Variants in CERS6 observed in about 807,000 individuals in gnomAD.
The protein encoded by CERS6 is LAG1 homolog, ceramide synthase 6.
Under a neutral mutation model 56.8 loss-of-function variants are expected in CERS6, and 26 were observed. The observed-to-expected ratio is 0.46, with a 90% CI of 0.34 to 0.63. CERS6 has a LOEUF of 0.63. Among genes scored for constraint, CERS6 ranks in the 30% least tolerant of loss-of-function variants. The pLI is 0.01. For synonymous variants in CERS6, 164 were observed against 173.3 expected (o/e 0.95, Z 0.42); for missense variants, 415 against 467.5 (o/e 0.89, Z 1.04).
intron 4 of CERS6, among the ~76,000 whole-genome samples, chr2:168,663,908 T>A (rs1336163091): frequency 2.0e-5 from 3 of 152,202 alleles, no homozygotes. Flanking sequence ...TGGCTGCTCT[T>A]CACTGCTTTT....
At chr2:168,479,654 G>A (rs1694141064) in intron 1 of CERS6, among the ~76,000 whole-genome samples, 1 of 152,080 alleles carries the variant, frequency 6.6e-6, no homozygotes. Context: ...TGTTGCCCAG[G>A]CTGGAGTGCA....
intron 1 of CERS6, among the ~76,000 whole-genome samples, chr2:168,522,831 G>A (rs1695005786): frequency 6.6e-6 from 1 of 152,178 alleles, no homozygotes; most frequent in Non-Finnish European, 1.5e-5. Context: ...TTACAGGTGT[G>A]AACCACTGTG....
At chr2:168,527,097 TC>T (rs1255564508) in intron 1 of CERS6, among the ~76,000 whole-genome samples, 2 of 152,210 alleles carry the variant, frequency 1.3e-5, no homozygotes, top group African/African-American at 4.8e-5. Flanking sequence ...AACAGAAGGT[TC>T]TAGAGGGAGG....
In CERS6 at chr2:168,752,540, T is replaced by C. The variant is rs187482799; in HGVS notation, c.846-13052T>C. On this transcript the variant is annotated intron_variant, in intron 8 of 9. Transcript: ENST00000305747. ...CTACTGCCAGGTCACACCCAGCCAGTCCTTGTGTATTCATATTCCTGGTTG... is the reference window on the plus strand; with the variant it reads ...CTACTGCCAGGTCACACCCAGCCAGCCCTTGTGTATTCATATTCCTGGTTG... 6.5e-3 allele frequency among the ~76,000 whole-genome samples: 992 copies of C among 152,300 alleles called. 3 individuals carry two copies. The highest frequency in any genetic ancestry group is 0.017 in the Middle Eastern group (5 of 294).
At chr2:168,514,444 G>A (rs1407428511) in intron 1 of CERS6, among the ~76,000 whole-genome samples, 1 of 151,770 alleles carries the variant, frequency 6.6e-6, no homozygotes, top group African/African-American at 2.4e-5. Context: ...CAAGAAAAAG[G>A]CACAGGTGAG....
Position 168,771,163 on chromosome 2 carries a change from A to G in CERS6, c.*1501A>G, listed in dbSNP as rs546388458. The G allele has an allele frequency of 6.6e-6, 1 of 152,310 alleles. No individual in the cohort carries two copies. The highest frequency in any genetic ancestry group is 2.1e-4 in the South Asian group (1 of 4,832). The allele number at this position is 152,310 out of a possible 1,614,324, so 9.4% of individuals were successfully genotyped here. On this transcript the variant is annotated 3_prime_UTR_variant, in exon 10 of 10. Transcript: ENST00000305747. ...TGTGTGAATCAGGGCTGTGAAGACA[A>G]CAGCAGAAATGCTAACAAGCGTGCA...
intron 3 of CERS6, among the ~76,000 whole-genome samples, chr2:168,628,497 T>A (rs1394229873): frequency 6.6e-6 from 1 of 152,236 alleles, no homozygotes; most frequent in Non-Finnish European, 1.5e-5. Flanking sequence ...CAGAATGCAG[T>A]ACCTTCATAG....
rs540013542 is a variant in CERS6, at chr2:168,564,422, CAT to C, written c.407+3102_407+3103del. ...CCTTATTTTTTTTATCTTGCATACA[CAT>C]AGACATTTTGTTTGCTACCAAAAAT... On this transcript the variant is annotated intron_variant, in intron 3 of 9. Coordinates refer to ENST00000305747, the MANE Select transcript of CERS6 (RefSeq NM_203463.3). 5.3e-5 allele frequency among the ~76,000 whole-genome samples: 8 copies of C among 152,260 alleles called. No individual in the cohort carries two copies. In the South Asian group the frequency reaches 1.2e-3, roughly 24 times the overall value.
At chr2:168,547,573 T>G in intron 1 of CERS6, 23 bp from the exon 2 acceptor site, 2 of 1,501,228 alleles carry the variant, frequency 1.3e-6, no homozygotes, top group Non-Finnish European at 1.8e-6. Flanking sequence ...GACCTTCTAC[T>G]TTTTTCTTTT....
Position 168,456,445 on chromosome 2 carries a change from C to A in CERS6, c.-4C>A. ...TGCCGCAGGACAGGAGTGGACAAAG[C>A]AAGATGGCAGGGATCTTAGCCTGGT... On this transcript the variant is annotated 5_prime_UTR_variant, in exon 1 of 10. Coordinates refer to ENST00000305747, the MANE Select transcript of CERS6 (RefSeq NM_203463.3). This position sits in a 1 kb window ranked among gnomAD's most constrained non-coding sequence, Gnocchi z 4.1. 6.2e-7 allele frequency: 1 copy of A among 1,612,014 alleles called. No individual in the cohort carries two copies. The highest frequency in any genetic ancestry group is 8.5e-7 in the Non-Finnish European group (1 of 1,178,870).
At chr2:168,474,822 T>G (rs900327657) in intron 1 of CERS6, among the ~76,000 whole-genome samples, 2 of 152,228 alleles carry the variant, frequency 1.3e-5, no homozygotes, top group Non-Finnish European at 2.9e-5. Context: ...TTGTGTTATA[T>G]TCCTTTACAA....
chr2:168,462,834 A>G (rs1693802953), intron 1 of CERS6, among the ~76,000 whole-genome samples: 2 of 152,184 alleles, frequency 1.3e-5, no homozygotes, highest in Admixed American at 6.5e-5. Context: ...GCAGCTGGTC[A>G]GGGTGATTCT....
chr2:168,557,424 A>G (rs1225580833), intron 2 of CERS6, among the ~76,000 whole-genome samples: 4 of 152,204 alleles, frequency 2.6e-5, no homozygotes, highest in African/African-American at 7.2e-5. Context: ...TATTTTGAAA[A>G]TAGATAAGCT....
intron 8 of CERS6, among the ~76,000 whole-genome samples, chr2:168,722,577 C>T (rs1278458909): frequency 3.3e-5 from 5 of 152,186 alleles, no homozygotes; most frequent in Non-Finnish European, 7.3e-5. Context: ...GTAACTCTAA[C>T]GAAGCAAACT....
intron 1 of CERS6, among the ~76,000 whole-genome samples, chr2:168,498,799 G>C (rs1049497954): frequency 3.9e-5 from 6 of 152,138 alleles, no homozygotes; most frequent in Admixed American, 3.9e-4. Context: ...CAGGTGGTTG[G>C]TCCATATCAG....
chr2:168,662,357 G>T (rs993170504), intron 4 of CERS6, among the ~76,000 whole-genome samples: 11 of 152,096 alleles, frequency 7.2e-5, no homozygotes, highest in Admixed American at 5.9e-4. Context: ...AGAGAGGAGG[G>T]GTTGCTGTAA....
At chr2:168,759,404 C>T (rs927116725) in intron 8 of CERS6, among the ~76,000 whole-genome samples, 1 of 152,200 alleles carries the variant, frequency 6.6e-6, no homozygotes, top group East Asian at 1.9e-4. Context: ...GCATGATATG[C>T]CATCTAGTGG....
intron 8 of CERS6, among the ~76,000 whole-genome samples, chr2:168,725,475 T>C (rs1271814665): frequency 6.6e-6 from 1 of 152,262 alleles, no homozygotes; most frequent in Non-Finnish European, 1.5e-5. Flanking sequence ...AACACATCCT[T>C]AAATAATTTG....
chr2:168,657,209 A>C (rs1260750045), intron 4 of CERS6, among the ~76,000 whole-genome samples: 1 of 152,074 alleles, frequency 6.6e-6, no homozygotes, highest in Non-Finnish European at 1.5e-5. Context: ...TGAGCTAGAT[A>C]TAAAGACTCT....
Sources: allele counts gnomAD v4.1 joint callset (sites outside exome capture counted in the v4.1 genomes callset), GRCh38; gene constraint gnomAD v4.1.1; non-coding constraint Gnocchi (gnomAD v3.1); transcripts MANE v1.5; gene names NCBI Gene and HGNC (gene_info 2026-07-23, HGNC 2026-07-21).